ABHD12: variants seen among roughly 807,000 people sequenced by gnomAD.
The protein encoded by ABHD12 is lysophosphatidylserine lipase ABHD12.
A neutral mutation model predicts 58.3 loss-of-function variants in ABHD12; 43 were observed. The ratio of observed to expected loss-of-function variants is 0.74; its 90% confidence interval spans 0.58 to 0.95. The LOEUF (loss-of-function observed/expected upper bound fraction) is 0.95, where lower values mean the gene tolerates loss of function less well. Among genes scored for constraint, ABHD12 ranks in the 40% least tolerant of loss-of-function variants. The probability of loss-of-function intolerance (pLI) is 0.00; values close to 1 mark genes in which losing one functional copy is unlikely to be tolerated. For synonymous variants in ABHD12, 219 were observed against 211.2 expected (o/e 1.04, Z -0.32); for missense variants, 539 against 537.2 (o/e 1.00, Z -0.03).
Position 25,308,438 on chromosome 20 carries a change from G to C in ABHD12, c.787+19C>G. 4.3e-6 allele frequency: 7 copies of C among 1,610,058 alleles called. No homozygotes were observed. Among genetic ancestry groups the C allele is most frequent in the Non-Finnish European group, 5.1e-6 (6 of 1,178,510 alleles). ...CCTGAATGCTCACTGCCACGGCTGG[G>C]GCCCAACAAGGCACTCACCTCGCTC... On this transcript the variant is annotated intron_variant, in intron 8 of 12. Transcript: ENST00000339157.
At chr20:25,334,808 G>A (rs2089335684) in intron 2 of ABHD12, among the ~76,000 whole-genome samples, 1 of 147,926 alleles carries the variant, frequency 6.8e-6, no homozygotes, top group Non-Finnish European at 1.5e-5. Flanking sequence ...ATCAATTCAA[G>A]ATGGATTAAA....
At chr20:25,345,498 G>A (rs2089506856) in intron 1 of ABHD12, among the ~76,000 whole-genome samples, 1 of 152,138 alleles carries the variant, frequency 6.6e-6, no homozygotes, top group South Asian at 2.1e-4. Flanking sequence ...AATGTCAACA[G>A]AATGAGAAGA....
At chr20:25,361,026 C>T (rs1198216794) in intron 1 of ABHD12, among the ~76,000 whole-genome samples, 1 of 152,234 alleles carries the variant, frequency 6.6e-6, no homozygotes, top group Non-Finnish European at 1.5e-5. Flanking sequence ...TCTTCCGCAG[C>T]TCTCAGAGAG....
chr20:25,295,488 G>A (rs1163628924), downstream of ABHD12: 65 of 1,237,864 alleles, frequency 5.3e-5, no homozygotes, highest in South Asian at 5.3e-4. Context: ...GGGCCCCTTC[G>A]CTCCAGACAG....
intron 2 of ABHD12, among the ~76,000 whole-genome samples, chr20:25,335,068 C>T (rs1390607616): frequency 2.7e-5 from 4 of 150,438 alleles, no homozygotes; most frequent in Non-Finnish European, 1.5e-5. Flanking sequence ...TGACAAAGGG[C>T]TAATATCCAG....
intron 1 of ABHD12, among the ~76,000 whole-genome samples, chr20:25,369,654 C>T (rs1348101496): frequency 6.6e-6 from 1 of 152,222 alleles, no homozygotes; most frequent in African/African-American, 2.4e-5. Flanking sequence ...GATCCCAAAC[C>T]AGGAGTGCCA....
intron 9 of ABHD12, 57 bp downstream of exon 9, chr20:25,307,909 A>G: frequency 1.2e-6 from 1 of 864,400 alleles, no homozygotes; most frequent in Non-Finnish European, 1.9e-6. Context: ...GTAATTAGTT[A>G]TTTCTATAAT....
At chr20:25,319,463 T>A (rs1375197518) in intron 4 of ABHD12, among the ~76,000 whole-genome samples, 1 of 152,192 alleles carries the variant, frequency 6.6e-6, no homozygotes, top group East Asian at 1.9e-4. Flanking sequence ...CAGCACCTGG[T>A]GCTTTCAGCC....
intron 3 of ABHD12, among the ~76,000 whole-genome samples, chr20:25,321,892 T>C (rs1053370999): frequency 7.2e-5 from 11 of 152,170 alleles, no homozygotes; most frequent in African/African-American, 2.7e-4. Flanking sequence ...AGAACAAAAA[T>C]CTCCCTTCTT....
At chr20:25,295,162 C>A in intron 12 of ABHD12, 1 of 927,574 alleles carries the variant, frequency 1.1e-6, no homozygotes, top group Admixed American at 1.9e-5. Flanking sequence ...TCAGGAACTG[C>A]AAGTCAGTAT....
At chr20:25,296,397 A>T (rs2088545617), downstream of ABHD12, 1 of 1,614,020 alleles carries the variant, frequency 6.2e-7, no homozygotes, top group Non-Finnish European at 8.5e-7. Context: ...CAAGAAGGTC[A>T]TCAGGAACAT....
At chr20:25,330,056 T>C (rs1054957219) in intron 2 of ABHD12, among the ~76,000 whole-genome samples, 2 of 152,188 alleles carry the variant, frequency 1.3e-5, no homozygotes, top group Middle Eastern at 3.2e-3. Flanking sequence ...AGGTACCAGG[T>C]TCATCTCACT....
downstream of ABHD12, among the ~76,000 whole-genome samples, chr20:25,295,254 C>A (rs2257420): frequency 0.45 from 68,452 of 152,212 alleles, 16,015 homozygotes; most frequent in East Asian, 0.92. Context: ...TGCCCTGAGG[C>A]GGCGCCATGG....
Position 25,322,381 on chromosome 20 carries a change from A to ATATATATATATATATATATTT in ABHD12, c.422+943_422+944insAAATATATATATATATATATA. On this transcript the variant is annotated intron_variant, in intron 3 of 12. Transcript: ENST00000339157. ...GGAAAAGATATATATATATATATATATTTTTTTTTTTTTTTGAGACAAGAG... is the reference window on the plus strand; with the variant it reads ...GGAAAAGATATATATATATATATATATATATATATATATATATATTTTTTTTTTTTTTTTTTGAGACAAGAG... 1.7e-3 allele frequency among the ~76,000 whole-genome samples: 101 copies of ATATATATATATATATATATTT among 59,206 alleles called. 1 individual carries two copies. Among genetic ancestry groups the ATATATATATATATATATATTT allele is most frequent in the African/African-American group, 8.2e-3 (99 of 12,040 alleles). 38.8% of individuals were successfully genotyped at this position (59,206 alleles called of 152,430 possible). A position where few individuals can be genotyped will look rare whatever the true frequency, so the allele number is the denominator to read the frequency against.
intron 1 of ABHD12, among the ~76,000 whole-genome samples, chr20:25,375,467 T>G (rs1294079920): frequency 1.3e-5 from 2 of 152,234 alleles, no homozygotes; most frequent in African/African-American, 4.8e-5. Context: ...GGGGACCCTC[T>G]GCAGACCCCA....
intron 2 of ABHD12, among the ~76,000 whole-genome samples, chr20:25,330,978 A>C (rs2089263681): frequency 6.6e-6 from 1 of 152,254 alleles, no homozygotes; most frequent in Non-Finnish European, 1.5e-5. Flanking sequence ...GACTTTGACT[A>C]GCTGAGAGAA....
At chr20:25,370,636 G>A (rs1346092541) in intron 1 of ABHD12, among the ~76,000 whole-genome samples, 1 of 152,104 alleles carries the variant, frequency 6.6e-6, no homozygotes, top group Non-Finnish European at 1.5e-5. Flanking sequence ...GAGATGGCAG[G>A]TCTGCCACTT....
chr20:25,295,622 C>T (rs1210487683), downstream of ABHD12: 1 of 1,613,902 alleles, frequency 6.2e-7, no homozygotes, highest in Non-Finnish European at 8.5e-7. Flanking sequence ...TGTTTGCAGA[C>T]TATGAAGCCT....
chr20:25,304,755 GACAGGGTTTC>G (rs529839897), intron 10 of ABHD12, among the ~76,000 whole-genome samples: 44 of 151,284 alleles, frequency 2.9e-4, no homozygotes, highest in South Asian at 1.7e-3. Flanking sequence ...TTTTAGTAGA[GACAGGGTTTC>G]ACCATATTGG....
Sources: allele counts gnomAD v4.1 joint callset (sites outside exome capture counted in the v4.1 genomes callset), GRCh38; gene constraint gnomAD v4.1.1; transcripts MANE v1.5; gene names NCBI Gene and HGNC (gene_info 2026-07-23, HGNC 2026-07-21).